The following SLC4A10 variants were observed in gnomAD, a reference collection of about 807,000 sequenced individuals.
SLC4A10 encodes sodium-driven chloride bicarbonate exchanger.
Under a neutral mutation model 137.7 loss-of-function variants are expected in SLC4A10, and 42 were observed. The observed-to-expected ratio is 0.30, with a 90% CI of 0.24 to 0.39. The LOEUF is 0.39. SLC4A10 is among the 10% of genes least tolerant of loss of function. The pLI is 1.00. For synonymous variants in SLC4A10, 474 were observed against 464.1 expected (o/e 1.02, Z -0.27); for missense variants, 925 against 1,355.0 (o/e 0.68, Z 4.98).
intron 11 of SLC4A10, among the ~76,000 whole-genome samples, 184 bp downstream of exon 11, chr2:161,895,009 C>T (rs1168265806): frequency 6.6e-6 from 1 of 150,786 alleles, no homozygotes; most frequent in Non-Finnish European, 1.5e-5. Flanking sequence ...GTGTGCTGCA[C>T]CCATTAACTC....
intron 1 of SLC4A10, among the ~76,000 whole-genome samples, chr2:161,640,610 T>C (rs2035148825): frequency 1.5e-5 from 2 of 130,550 alleles, no homozygotes; most frequent in Admixed American, 1.5e-4. Flanking sequence ...CCTTCCTTCC[T>C]TCCTTCCTTC....
chr2:161,658,212 A>C (rs2037812400), intron 1 of SLC4A10, among the ~76,000 whole-genome samples: 2 of 152,172 alleles, frequency 1.3e-5, no homozygotes, highest in Non-Finnish European at 1.5e-5. Flanking sequence ...GCATTAGAAA[A>C]CTTTAGCCTG....
rs561240391 is a variant in SLC4A10, at chr2:161,730,422, T to G, written c.49-40551T>G. Among the ~76,000 whole-genome samples the G allele has an allele frequency of 2.0e-5, 3 of 152,344 alleles. No individual in the cohort carries two copies. In the East Asian group the frequency reaches 5.8e-4, roughly 29 times the overall value. On this transcript the variant is annotated intron_variant, in intron 1 of 26. Coordinates refer to ENST00000446997, the MANE Select transcript of SLC4A10 (RefSeq NM_001178015.2). ...CATAAAACAATCTATTATCTGTCTA[T>G]TTATCTATTATCTCTCACTCATAAA...
intron 1 of SLC4A10, among the ~76,000 whole-genome samples, chr2:161,687,748 C>T (rs1176310221): frequency 6.6e-6 from 1 of 152,142 alleles, no homozygotes; most frequent in Non-Finnish European, 1.5e-5. Flanking sequence ...CCATGCTGCT[C>T]TCATGATAAT....
At chr2:161,830,408 T>C (rs971727283) in intron 3 of SLC4A10, among the ~76,000 whole-genome samples, 5 of 152,024 alleles carry the variant, frequency 3.3e-5, no homozygotes, top group African/African-American at 9.7e-5. Flanking sequence ...TTTAATAGGC[T>C]AAGGTTACCT....
intron 10 of SLC4A10, among the ~76,000 whole-genome samples, chr2:161,883,121 C>T (rs1255574415): frequency 6.6e-6 from 1 of 151,932 alleles, no homozygotes; most frequent in Non-Finnish European, 1.5e-5. Flanking sequence ...TACTTGGGTT[C>T]TCCAACACAT....
rs747597084 is a variant in SLC4A10, at chr2:161,949,148, G to A, written c.2266G>A (p.Val756Ile). The A allele has an allele frequency of 1.3e-6, 2 of 1,599,162 alleles. No homozygotes were observed. Among genetic ancestry groups the A allele is most frequent in the African/African-American group, 2.7e-5 (2 of 74,196 alleles). ...TGACAAGTGTTTTCATTATTTTTAGGTTCGATCCATAGTGAGTGACTTTGC... is the reference window on the plus strand; with the variant it reads ...TGACAAGTGTTTTCATTATTTTTAGATTCGATCCATAGTGAGTGACTTTGC... ...FKTSRYFPTK[V>I]RSIVSDFAVF... Residue 756 changes from valine to isoleucine, a missense_variant and splice_region_variant, in exon 18 of 27, where the codon GTT becomes ATT. Val to Ile is a conservative substitution (Grantham distance 29, BLOSUM62 3). This residue lies in a region of SLC4A10 where 82 missense variants were observed against 151.4 expected (regional missense o/e 0.54). Transcript: ENST00000446997.
At chr2:161,921,325 C>A (rs1163061073) in intron 15 of SLC4A10, among the ~76,000 whole-genome samples, 1 of 152,070 alleles carries the variant, frequency 6.6e-6, no homozygotes, top group Non-Finnish European at 1.5e-5. Context: ...GACCAATTGG[C>A]AGAGAGCCTT....
intron 4 of SLC4A10, among the ~76,000 whole-genome samples, chr2:161,842,837 T>C (rs1290653349): frequency 6.6e-6 from 1 of 152,090 alleles, no homozygotes; most frequent in Non-Finnish European, 1.5e-5. Flanking sequence ...ATTAGTGATA[T>C]AACTTGCTCT....
intron 15 of SLC4A10, among the ~76,000 whole-genome samples, chr2:161,935,617 G>A (rs140038110): frequency 1.5e-3 from 225 of 152,176 alleles, no homozygotes; most frequent in Admixed American, 2.6e-3. Flanking sequence ...TTATTCCTAA[G>A]TATTTGAAAT....
At chr2:161,918,916 T>G (rs1053560956) in intron 15 of SLC4A10, among the ~76,000 whole-genome samples, 9 of 152,196 alleles carry the variant, frequency 5.9e-5, no homozygotes, top group Non-Finnish European at 2.9e-5. Context: ...CTGCGCTCCC[T>G]GGTGCAACTG....
At chr2:161,687,634 T>C (rs1278654540) in intron 1 of SLC4A10, among the ~76,000 whole-genome samples, 1 of 152,184 alleles carries the variant, frequency 6.6e-6, no homozygotes, top group Non-Finnish European at 1.5e-5. Flanking sequence ...ATTGATATCG[T>C]TTGGCACTGT....
chr2:161,725,390 C>T (rs1488271080), intron 1 of SLC4A10, among the ~76,000 whole-genome samples: 2 of 152,116 alleles, frequency 1.3e-5, no homozygotes, highest in Non-Finnish European at 2.9e-5. Flanking sequence ...AAAGTTTTAG[C>T]ATTGTTTCTG....
chr2:161,777,482 C>T (rs578018025), intron 2 of SLC4A10, among the ~76,000 whole-genome samples: 6 of 152,040 alleles, frequency 3.9e-5, no homozygotes, highest in South Asian at 4.1e-4. Flanking sequence ...TCCATTTTCA[C>T]GCTGCTGATA....
intron 3 of SLC4A10, among the ~76,000 whole-genome samples, chr2:161,806,997 T>C (rs2056047876): frequency 6.6e-6 from 1 of 152,194 alleles, no homozygotes; most frequent in Admixed American, 6.6e-5. Flanking sequence ...TCCACATGAC[T>C]GGGGAAGCCT....
intron 1 of SLC4A10, among the ~76,000 whole-genome samples, chr2:161,658,270 A>T (rs2063804): frequency 6.6e-6 from 1 of 152,066 alleles, no homozygotes; most frequent in Non-Finnish European, 1.5e-5. Context: ...CAGAGCAGAA[A>T]AAAATCAATT....
intron 1 of SLC4A10, among the ~76,000 whole-genome samples, chr2:161,742,459 T>C (rs1211198732): frequency 7.1e-6 from 1 of 140,280 alleles, no homozygotes; most frequent in Non-Finnish European, 1.5e-5. Context: ...TTTTTTTTTT[T>C]GAGACTGAGT....
At chr2:161,923,244 T>A (rs528354870) in intron 15 of SLC4A10, among the ~76,000 whole-genome samples, 44 of 152,308 alleles carry the variant, frequency 2.9e-4, no homozygotes, top group African/African-American at 9.9e-4. Flanking sequence ...TACTAAAAGA[T>A]GTATTTTATA....
chr2:161,881,955 C>A (rs894724205), intron 9 of SLC4A10, among the ~76,000 whole-genome samples: 2 of 151,684 alleles, frequency 1.3e-5, no homozygotes, highest in African/African-American at 4.8e-5. Flanking sequence ...ACCTTTGTCC[C>A]CTTTGAACTA....
Sources: allele counts gnomAD v4.1 joint callset (sites outside exome capture counted in the v4.1 genomes callset), GRCh38; gene constraint gnomAD v4.1.1; regional missense constraint gnomAD v4.1.1; transcripts MANE v1.5; gene names NCBI Gene and HGNC (gene_info 2026-07-23, HGNC 2026-07-21).